Variants in RIMBP2 observed in about 807,000 individuals in gnomAD.
RIMBP2 encodes RIMS-binding protein 2.
RIMBP2 carries 48 observed loss-of-function variants against 118.6 expected under a neutral mutation model. The observed-to-expected ratio is 0.40, with a 90% confidence interval of 0.32 to 0.51. RIMBP2 has a LOEUF of 0.51. RIMBP2 is among the 20% of genes least tolerant of loss of function. The pLI is 0.41. For missense variants in RIMBP2, 1,551 were observed against 1,768.3 expected, an observed-to-expected ratio of 0.88 and a Z score of 2.20; for synonymous variants, 762 against 742.9, an observed-to-expected ratio of 1.03 and a Z score of -0.42.
intron 4 of RIMBP2, among the ~76,000 whole-genome samples, chr12:130,483,175 C>A (rs141547196): frequency 9.4e-6 from 1 of 106,540 alleles, no homozygotes; most frequent in Non-Finnish European, 2.1e-5. Flanking sequence ...CAAATACACC[C>A]ACTGTGTGTG....
At chr12:130,456,929 C>A (rs919774107) in intron 6 of RIMBP2, among the ~76,000 whole-genome samples, 14 of 152,194 alleles carry the variant, frequency 9.2e-5, no homozygotes, top group African/African-American at 2.9e-4. Flanking sequence ...CTCCCACTTT[C>A]ACGGGAGAGC....
rs182279079 is a variant in RIMBP2 at position 130,616,345 on chromosome 12, T to A, written c.-217+11977A>T. Among the ~76,000 whole-genome samples the A allele has an allele frequency of 7.6e-4, 116 of 152,116 alleles. 1 individual carries two copies. The highest frequency in any genetic ancestry group is 2.5e-3 in the African/African-American group (103 of 41,504). On this transcript the variant is annotated intron_variant, in intron 2 of 22. Transcript: ENST00000690449. Reference sequence around the variant, plus strand: ...CTCCCTTCTCCTCCTCTCTCCTTCCTTATTTCTGCCTCCCCTATTAGTCTC... The same window carrying A: ...CTCCCTTCTCCTCCTCTCTCCTTCCATATTTCTGCCTCCCCTATTAGTCTC...
chr12:130,457,938 A>G (rs1176495172), intron 6 of RIMBP2, among the ~76,000 whole-genome samples: 1 of 152,160 alleles, frequency 6.6e-6, no homozygotes, highest in East Asian at 1.9e-4. Context: ...GGGGTTATTC[A>G]TGTCATCTGT....
chr12:130,456,658 C>T lies in RIMBP2; in HGVS notation c.196G>A (p.Glu66Lys), dbSNP rs1453963640. 1.2e-6 allele frequency: 2 copies of T among 1,611,036 alleles called. No homozygotes were observed. Among genetic ancestry groups the T allele is most frequent in the East Asian group, 4.5e-5 (2 of 44,808 alleles). ...TCCCGGGACAGCAGGTTGAACTGCT[C>T]ACTTTGAGTCCGGCATTTCTCTTCC... is the stretch of plus-strand genomic sequence containing the variant. ...ELEEKCRTQS[E>K]QFNLLSRDLE... The change falls in exon 7 of 23, where the codon GAG becomes AAG. Residue 66 changes from glutamate to lysine, a missense_variant. Glu to Lys is a moderately conservative substitution (Grantham distance 56). Around this residue, in one of 5 missense-constraint regions of RIMBP2, gnomAD observed 239 missense variants for 256.8 expected, o/e 0.93. Coordinates refer to ENST00000690449, the MANE Select transcript of RIMBP2 (RefSeq NM_001393629.1).
At chr12:130,595,870 T>C (rs1236470554) in intron 2 of RIMBP2, among the ~76,000 whole-genome samples, 2 of 152,218 alleles carry the variant, frequency 1.3e-5, no homozygotes, top group African/African-American at 4.8e-5. Flanking sequence ...TGCAAGGAGC[T>C]TAAAGGCGGA....
At chr12:130,548,948 C>T (rs2055451864) in intron 2 of RIMBP2, among the ~76,000 whole-genome samples, 1 of 152,150 alleles carries the variant, frequency 6.6e-6, no homozygotes, top group Admixed American at 6.5e-5. Flanking sequence ...TCTTGATTAG[C>T]AGCCCTGTGG....
chr12:130,421,725 T>TGTGTGTGTG (rs1566004686), intron 17 of RIMBP2, among the ~76,000 whole-genome samples: 1 of 88,084 alleles, frequency 1.1e-5, no homozygotes, highest in East Asian at 3.1e-4. Context: ...GTGTGTGTGT[T>TGTGTGTGTG]TTCATAGAAG....
intron 11 of RIMBP2, 59 bp from the exon 12 acceptor site, chr12:130,438,575 T>C: frequency 7.0e-7 from 1 of 1,436,718 alleles, no homozygotes; most frequent in East Asian, 2.4e-5. Context: ...AGGTGAGCCG[T>C]GACTGGGCTC....
intron 1 of RIMBP2, among the ~76,000 whole-genome samples, chr12:130,702,787 T>C (rs550479601): frequency 6.6e-6 from 1 of 152,236 alleles, no homozygotes; most frequent in South Asian, 2.1e-4. Flanking sequence ...CTTGGGCCCC[T>C]TCCCCAAACC....
In RIMBP2 at chr12:130,446,321, C is replaced by T. The variant is rs149115456; in HGVS notation, c.582-1052G>A. 6.6e-6 allele frequency among the ~76,000 whole-genome samples: 1 copy of T among 152,302 alleles called. No homozygotes were observed. Among genetic ancestry groups the T allele is most frequent in the African/African-American group, 2.4e-5 (1 of 41,558 alleles). On this transcript the variant is annotated intron_variant, in intron 9 of 22. Transcript: ENST00000690449. The surrounding 1 kb of genome is among the most constrained non-coding windows in gnomAD (Gnocchi z 4.1). ...TGTGCAGTTTACCAACACTTTCATA[C>T]ACGTTTTATTCGATGGCCATTAAAT...
At chr12:130,476,512 C>A (rs1311422547) in intron 5 of RIMBP2, among the ~76,000 whole-genome samples, 1 of 152,176 alleles carries the variant, frequency 6.6e-6, no homozygotes, top group Non-Finnish European at 1.5e-5. Flanking sequence ...CCAAATTCAA[C>A]CCCTGTTCCC....
chr12:130,487,702 T>G (rs1436341054), intron 4 of RIMBP2, among the ~76,000 whole-genome samples: 1 of 152,244 alleles, frequency 6.6e-6, no homozygotes, highest in African/African-American at 2.4e-5. Flanking sequence ...GTTTATTCTA[T>G]GTCATCCTTT....
intron 1 of RIMBP2, among the ~76,000 whole-genome samples, chr12:130,707,931 A>G (rs1244567752): frequency 1.3e-5 from 2 of 149,904 alleles, no homozygotes; most frequent in East Asian, 1.9e-4. Context: ...AGAGAGAGGG[A>G]GAGAGAGAGA....
Position 130,607,448 on chromosome 12 carries a change from G to A in RIMBP2, c.-217+20874C>T, listed in dbSNP as rs114537365. On this transcript the variant is annotated intron_variant, in intron 2 of 22. Coordinates refer to ENST00000690449, the MANE Select transcript of RIMBP2 (RefSeq NM_001393629.1). ...CCTTGAATTTGCCACACAGTGCCCC[G>A]GCTAATCGTGGCTACTTGTGCATCC... Among the ~76,000 whole-genome samples the A allele has an allele frequency of 5.9e-3, 899 of 152,124 alleles. 14 individuals carry two copies. The highest frequency in any genetic ancestry group is 0.02 in the African/African-American group (841 of 41,494).
At position 130,706,526 on chromosome 12, in the gene RIMBP2, C is replaced by T. The variant is rs370529705; in HGVS notation, c.-352+9696G>A. Among the ~76,000 whole-genome samples the T allele has an allele frequency of 3.5e-4, 54 of 152,364 alleles. 1 individual carries two copies. Among genetic ancestry groups the T allele is most frequent in the African/African-American group, 1.2e-3 (51 of 41,586 alleles). On this transcript the variant is annotated intron_variant, in intron 1 of 22. Coordinates refer to ENST00000690449, the MANE Select transcript of RIMBP2 (RefSeq NM_001393629.1). ...GGGACACGTTCACGGAGCAGCTCCC[C>T]GCACAGATGCTGTGGGGCACAGGCA... is the stretch of plus-strand genomic sequence containing the variant.
intron 14 of RIMBP2, chr12:130,429,455 T>C (rs912287143): frequency 6.6e-6 from 1 of 152,160 alleles, no homozygotes; most frequent in Non-Finnish European, 1.5e-5. Flanking sequence ...CCTAGTCACG[T>C]GGTAACGGTA....
chr12:130,672,648 T>C (rs1206908230), intron 1 of RIMBP2, among the ~76,000 whole-genome samples: 1 of 151,930 alleles, frequency 6.6e-6, no homozygotes, highest in Non-Finnish European at 1.5e-5. Flanking sequence ...CCACGGGGGG[T>C]TGCAGAGGCC....
Position 130,657,020 on chromosome 12 carries a change from A to G in RIMBP2, c.-351-28564T>C, listed in dbSNP as rs536795584. On this transcript the variant is annotated intron_variant, in intron 1 of 22. Transcript: ENST00000690449. ...AGTGATCCTCCTGCCTCAGTCTCCTACAGACCTGGGACTATAGGTGTGTAC... is the reference window on the plus strand; with the variant it reads ...AGTGATCCTCCTGCCTCAGTCTCCTGCAGACCTGGGACTATAGGTGTGTAC... Among the ~76,000 whole-genome samples the G allele has an allele frequency of 1.2e-4, 18 of 152,326 alleles. No individual in the cohort carries two copies. In the South Asian group the frequency reaches 3.1e-3, roughly 26 times the overall value.
Position 130,683,039 on chromosome 12 carries a change from G to A in RIMBP2, c.-352+33183C>T, listed in dbSNP as rs946381949. Reference sequence around the variant, plus strand: ...CTCATTCTTTTATCTTTAAGGTGAGGTCGTAGTAGTTGAATAGTGCCTTCC... The same window carrying A: ...CTCATTCTTTTATCTTTAAGGTGAGATCGTAGTAGTTGAATAGTGCCTTCC... On this transcript the variant is annotated intron_variant, in intron 1 of 22. Transcript: ENST00000690449. The surrounding 1 kb of genome is among the most constrained non-coding windows in gnomAD (Gnocchi z 4.4). Among the ~76,000 whole-genome samples, 1 of 152,144 alleles carries A rather than the reference G, an allele frequency of 6.6e-6. No individual in the cohort carries two copies. Among genetic ancestry groups the A allele is most frequent in the African/African-American group, 2.4e-5 (1 of 41,422 alleles).
Sources: gnomAD v4.1 joint callset for allele counts (sites outside exome capture counted in the v4.1 genomes callset) on GRCh38, gnomAD v4.1.1 for gene constraint, gnomAD v4.1.1 regional missense constraint, Gnocchi (gnomAD v3.1) non-coding constraint, MANE v1.5 for transcripts, NCBI Gene and HGNC (gene_info 2026-07-23, HGNC 2026-07-21) for gene names.